MAPK8IP2: variants seen among roughly 807,000 people sequenced by gnomAD.
MAPK8IP2 encodes mitogen-activated protein kinase 8 interacting protein 2, also known as C-Jun-amino-terminal kinase-interacting protein 2.
A neutral mutation model predicts 75.6 loss-of-function variants in MAPK8IP2; 15 were observed. The observed-to-expected ratio is 0.20, with a 90% confidence interval of 0.13 to 0.31. The LOEUF (loss-of-function observed/expected upper bound fraction) is 0.31, where lower values mean the gene tolerates loss of function less well. Among genes scored for constraint, MAPK8IP2 ranks in the 10% least tolerant of loss-of-function variants. The pLI is 1.00. For missense variants in MAPK8IP2, 1,089 were observed against 1,211.2 expected (o/e 0.90, Z 1.50); for synonymous variants, 632 against 554.5 (o/e 1.14, Z -1.96).
At position 50,603,907 on chromosome 22, in the gene MAPK8IP2, G is replaced by C. The variant is rs116947359; in HGVS notation, c.608G>C (p.Gly203Ala). 104,816 of 1,537,392 alleles carry C rather than the reference G, an allele frequency of 0.068. 4,336 individuals carry two copies. Among genetic ancestry groups the C allele is most frequent in the South Asian group, 0.12 (10,311 of 83,720 alleles). ...PGGAQSPVRP[G>A]CDCEGNRPAE... ...GGGGCGCAGTCGCCAGTGCGCCCGGGTTGCGACTGCGAAGGGAACCGGCCT... is the reference window on the plus strand; with the variant it reads ...GGGGCGCAGTCGCCAGTGCGCCCGGCTTGCGACTGCGAAGGGAACCGGCCT... Residue 203 changes from glycine to alanine, a missense_variant, in exon 5 of 12, where the codon GGT becomes GCT. By Grantham distance (60) the Gly-to-Ala change is moderately conservative (BLOSUM62 0). This residue lies in a region of MAPK8IP2 where 960 missense variants were observed against 1,009.6 expected (regional missense o/e 0.95). Transcript: ENST00000329492.
chr22:50,610,349 A>AG lies in MAPK8IP2; in HGVS notation c.2402+42dup, dbSNP rs775349833. On this transcript the variant is annotated intron_variant, in intron 11 of 11. Coordinates refer to ENST00000329492, the MANE Select transcript of MAPK8IP2 (RefSeq NM_012324.6). This position sits in a 1 kb window ranked among gnomAD's most constrained non-coding sequence, Gnocchi z 4.3. ...CAGGGTGTGGGTGCAGAATGGGTGCAGGGTTACGGAGGTGGGGAGCGGAGG... is the reference window on the plus strand; with the variant it reads ...CAGGGTGTGGGTGCAGAATGGGTGCAGGGGTTACGGAGGTGGGGAGCGGAGG... 80 of 1,527,230 alleles carry AG rather than the reference A, an allele frequency of 5.2e-5. No individual in the cohort carries two copies. The highest frequency in any genetic ancestry group is 6.5e-5 in the Non-Finnish European group (73 of 1,119,702). The allele number at this position is 1,527,230 out of a possible 1,614,324, so 94.6% of individuals were successfully genotyped here.
intron 3 of MAPK8IP2, 54 bp from the exon 4 acceptor site, chr22:50,603,572 C>T: frequency 1.9e-6 from 3 of 1,580,670 alleles, no homozygotes; most frequent in South Asian, 2.3e-5. Flanking sequence ...CAGCCCTGCT[C>T]ACCCCCTGGG....
intron 1 of MAPK8IP2, chr22:50,601,428 A>AC: frequency 4.1e-6 from 1 of 245,166 alleles, no homozygotes; most frequent in South Asian, 5.8e-5. Flanking sequence ...AGCAGGAGCG[A>AC]CCCCTCCCCA....
Position 50,605,720 on chromosome 22 carries a change from C to T in MAPK8IP2, c.2000C>T (p.Ala667Val). The part of the protein sequence containing the change: ...AFYAHAVPGP[A>V]KDLLGSKRSP... Reference sequence around the variant, plus strand: ...TACGCCCATGCGGTGCCCGGCCCTGCCAAGGACCTGCTGGGTGAGGTCCCA... The same window carrying T: ...TACGCCCATGCGGTGCCCGGCCCTGTCAAGGACCTGCTGGGTGAGGTCCCA... Residue 667 changes from alanine (A) to valine (V), a missense_variant, in exon 7 of 12, where the codon GCC becomes GTC. Ala to Val is a moderately conservative substitution (Grantham distance 64). Around this residue, in one of 2 missense-constraint regions of MAPK8IP2, gnomAD observed 960 missense variants for 1,009.6 expected, o/e 0.95. Transcript: ENST00000329492. 1 of 1,608,690 alleles carries T rather than the reference C, an allele frequency of 6.2e-7. No homozygotes were observed. Among genetic ancestry groups the T allele is most frequent in the Non-Finnish European group, 8.5e-7 (1 of 1,177,714 alleles).
intron 1 of MAPK8IP2, chr22:50,601,275 C>T (rs1309804014): frequency 1.3e-5 from 2 of 156,998 alleles, no homozygotes; most frequent in East Asian, 3.7e-4. Context: ...CAGACCTGGC[C>T]GATAGGGCCC....
chr22:50,604,408 G>C lies in MAPK8IP2; in HGVS notation c.1109G>C (p.Gly370Ala). 1 of 1,513,242 alleles carries C rather than the reference G, an allele frequency of 6.6e-7. No homozygotes were observed. Among genetic ancestry groups the C allele is most frequent in the Non-Finnish European group, 8.8e-7 (1 of 1,136,370 alleles). 93.7% of individuals were successfully genotyped at this position (1,513,242 alleles called of 1,614,324 possible). The change falls in exon 5 of 12, where the codon GGC becomes GCC. Residue 370 changes from glycine (G) to alanine (A), a missense_variant. This residue lies in a region of MAPK8IP2 where 960 missense variants were observed against 1,009.6 expected (regional missense o/e 0.95). Transcript: ENST00000329492. ...SEGSSPIRCP[G>A]QCLSPAPRPP... ...GGCTCCTCGCCCATCCGCTGCCCCG[G>C]CCAGTGCCTGTCTCCTGCGCCGCGC...
chr22:50,606,566 G>A (rs1000444580), intron 8 of MAPK8IP2, 92 bp from the exon 9 acceptor site: 8 of 881,800 alleles, frequency 9.1e-6, no homozygotes, highest in East Asian at 2.6e-5. Flanking sequence ...TCAAACATAA[G>A]CTAAAAGGAG....
rs1218503570 is a variant in MAPK8IP2 at position 50,607,054 on chromosome 22, C to T, written c.2303+63C>T. The T allele has an allele frequency of 1.6e-6, 2 of 1,289,990 alleles. No individual in the cohort carries two copies. Among genetic ancestry groups the T allele is most frequent in the East Asian group, 4.6e-5 (2 of 43,182 alleles). 79.9% of individuals were successfully genotyped at this position (1,289,990 alleles called of 1,614,324 possible). On this transcript the variant is annotated intron_variant, in intron 10 of 11. Coordinates refer to ENST00000329492, the MANE Select transcript of MAPK8IP2 (RefSeq NM_012324.6). This position sits in a 1 kb window ranked among gnomAD's most constrained non-coding sequence, Gnocchi z 5.6. ...CCACAAACCCTGAGAGTCCAACCGC[C>T]CCCTGAGTCCCCACAGACCCTGAGG...
Position 50,604,139 on chromosome 22 carries a change from C to T in MAPK8IP2, c.840C>T (p.Ser280=). 2 of 1,556,128 alleles carry T rather than the reference C, an allele frequency of 1.3e-6. No individual in the cohort carries two copies. Among genetic ancestry groups the T allele is most frequent in the Middle Eastern group, 2.0e-4 (1 of 5,028 alleles). ...CGGAGACGGAGCTGGAGCTGAGCAG[C>T]GATGGCGGAAGCAGCAGCAGCGGCC... is the stretch of plus-strand genomic sequence containing the variant. The part of the protein sequence containing the change: ...SISETELELS[S]DGGSSSSGRS... Residue 280 remains serine, a synonymous_variant, in exon 5 of 12, where the codon AGC becomes AGT. Transcript: ENST00000329492.
chr22:50,603,255 G>C lies in MAPK8IP2; in HGVS notation c.204G>C (p.Pro68=). The C allele has an allele frequency of 6.2e-7, 1 of 1,604,260 alleles. No homozygotes were observed. The highest frequency in any genetic ancestry group is 8.5e-7 in the Non-Finnish European group (1 of 1,176,722). The change falls in exon 3 of 12, where the codon CCG becomes CCC. Residue 68 remains proline, a synonymous_variant. Transcript: ENST00000329492. ...TCTCCCTGGGGCGCTCGGAGCAGCC[G>C]CACCCCATCTGCTCCTTCCAGGATG... ...DSLSLGRSEQ[P]HPICSFQDDF...
At position 50,610,921 on chromosome 22, in the gene MAPK8IP2, A is replaced by G; in HGVS notation, c.*142A>G. The G allele has an allele frequency of 3.1e-6, 2 of 654,774 alleles. No homozygotes were observed. The highest frequency in any genetic ancestry group is 1.9e-5 in the African/African-American group (1 of 53,222). The allele number at this position is 654,774 out of a possible 1,614,324, so 40.6% of individuals were successfully genotyped here. A position where few individuals can be genotyped will look rare whatever the true frequency, so the allele number is the denominator to read the frequency against. ...GCTTGTGGGGGTCTGCGGGCTGGGA[A>G]CTCTCGTCCTCGGTCCCCAGGGCGC... On this transcript the variant is annotated 3_prime_UTR_variant, in exon 12 of 12. Coordinates refer to ENST00000329492, the MANE Select transcript of MAPK8IP2 (RefSeq NM_012324.6). The surrounding 1 kb of genome is among the most constrained non-coding windows in gnomAD (Gnocchi z 4.3).
chr22:50,600,805 C>A lies in MAPK8IP2; in HGVS notation c.-14C>A. On this transcript the variant is annotated 5_prime_UTR_variant, in exon 1 of 12. Transcript: ENST00000329492. ...CGCACCCCCCGCCGCAGTCGCGGGC[C>A]TCTCCCGGAGAAGATGGCGGATCGC... The A allele has an allele frequency of 1.6e-6, 2 of 1,261,586 alleles. No homozygotes were observed. The highest frequency in any genetic ancestry group is 2.0e-6 in the Non-Finnish European group (2 of 976,142). The allele number at this position is 1,261,586 out of a possible 1,614,324, so 78.1% of individuals were successfully genotyped here.
Position 50,601,822 on chromosome 22 carries a change from C to T in MAPK8IP2, c.99C>T (p.Asp33=), listed in dbSNP as rs1407281112. 15 of 1,613,716 alleles carry T rather than the reference C, an allele frequency of 9.3e-6. No individual in the cohort carries two copies. The highest frequency in any genetic ancestry group is 2.7e-5 in the African/African-American group (2 of 74,910). ...PPQDISLEEF[D]DEDLSEITDD... ...AGGACATAAGCCTGGAAGAATTTGACGACGAAGATCTGTCTGAGATCACTG... is the reference window on the plus strand; with the variant it reads ...AGGACATAAGCCTGGAAGAATTTGATGACGAAGATCTGTCTGAGATCACTG... Residue 33 remains aspartate, a synonymous_variant, in exon 2 of 12, where the codon GAC becomes GAT. Transcript: ENST00000329492.
chr22:50,606,962 C>T lies in MAPK8IP2; in HGVS notation c.2274C>T (p.Ser758=), dbSNP rs1379261944. 1.2e-5 allele frequency: 19 copies of T among 1,613,752 alleles called. No homozygotes were observed. The highest frequency in any genetic ancestry group is 1.5e-5 in the Non-Finnish European group (18 of 1,179,860). ...ATTTCTTCCAGATGAAGAACATCTC[C>T]TTCTGCGGCTGCCATCCCCGCAACA... ...CSHFFQMKNI[S]FCGCHPRNSC... is the part of the protein sequence containing the mutation. Residue 758 remains serine, a synonymous_variant, in exon 10 of 12, where the codon TCC becomes TCT. Transcript: ENST00000329492.
intron 10 of MAPK8IP2, among the ~76,000 whole-genome samples, chr22:50,608,095 G>A (rs970760691): frequency 3.9e-5 from 6 of 152,206 alleles, no homozygotes; most frequent in African/African-American, 9.7e-5. Context: ...GGACTGAGGC[G>A]TGGGACAGAC....
At position 50,606,926 on chromosome 22, in the gene MAPK8IP2, G is replaced by A; in HGVS notation, c.2238G>A (p.Gln746=). The A allele has an allele frequency of 6.2e-7, 1 of 1,613,868 alleles. No homozygotes were observed. ...LSLSGGGPEF[Q]RCSHFFQMKN... Reference sequence around the variant, plus strand: ...TCTGCCCACCTCTGCTCTAGTTCCAGCGCTGCAGCCATTTCTTCCAGATGA... The same window carrying A: ...TCTGCCCACCTCTGCTCTAGTTCCAACGCTGCAGCCATTTCTTCCAGATGA... The change falls in exon 10 of 12, where the codon CAG becomes CAA. Residue 746 remains glutamine, a synonymous_variant. Transcript: ENST00000329492.
chr22:50,603,102 G>C, intron 2 of MAPK8IP2, 121 bp from the exon 3 acceptor site: 1 of 1,577,056 alleles, frequency 6.3e-7, no homozygotes, highest in Middle Eastern at 1.7e-4. Flanking sequence ...CAGAGGGGCA[G>C]AGTGAGCTGG....
chr22:50,603,407 C>T lies in MAPK8IP2; in HGVS notation c.356C>T (p.Pro119Leu). Residue 119 changes from proline (P) to leucine (L), a missense_variant, in exon 3 of 12, where the codon CCT (proline) becomes CTT (leucine). Physicochemically the swap from Pro to Leu is moderately conservative, Grantham distance 98 (BLOSUM62 -3). This residue lies in a region of MAPK8IP2 where 960 missense variants were observed against 1,009.6 expected (regional missense o/e 0.95). Transcript: ENST00000329492. ...GGAGGAGACCCTGGCTCAGAGGCAC[C>T]TGCCCCCGGGCCCCTTATCCCCTCC... ...QEGGDPGSEA[P>L]APGPLIPSPS... is the part of the protein sequence containing the mutation. 6.4e-7 allele frequency: 1 copy of T among 1,559,650 alleles called. No homozygotes were observed. Among genetic ancestry groups the T allele is most frequent in the Non-Finnish European group, 8.7e-7 (1 of 1,152,392 alleles).
Position 50,601,808 on chromosome 22 carries a change from C to G in MAPK8IP2, c.85C>G (p.Leu29Val), listed in dbSNP as rs754913720. ...TTCCAGGCCTCCCCAGGACATAAGCCTGGAAGAATTTGACGACGAAGATCT... is the reference window on the plus strand; with the variant it reads ...TTCCAGGCCTCCCCAGGACATAAGCGTGGAAGAATTTGACGACGAAGATCT... Reference protein sequence around the residue: ...PGCRPPQDISLEEFDDEDLSE... With the variant: ...PGCRPPQDISVEEFDDEDLSE... Residue 29 changes from leucine (L) to valine (V), a missense_variant, in exon 2 of 12, where the codon CTG becomes GTG. This residue lies in a region of MAPK8IP2 where 960 missense variants were observed against 1,009.6 expected (regional missense o/e 0.95). Transcript: ENST00000329492. 13 of 1,613,828 alleles carry G rather than the reference C, an allele frequency of 8.1e-6. No individual in the cohort carries two copies. The highest frequency in any genetic ancestry group is 1.1e-5 in the Non-Finnish European group (13 of 1,179,824).
Sources: gnomAD v4.1 joint callset for allele counts (sites outside exome capture counted in the v4.1 genomes callset) on GRCh38, gnomAD v4.1.1 for gene constraint, gnomAD v4.1.1 regional missense constraint, Gnocchi (gnomAD v3.1) non-coding constraint, MANE v1.5 for transcripts, NCBI Gene and HGNC (gene_info 2026-07-23, HGNC 2026-07-21) for gene names.